The following PLCB4 variants were observed in gnomAD, a reference collection of about 807,000 sequenced individuals.
PLCB4 encodes the protein phospholipase C beta 4.
A neutral mutation model predicts 178.8 loss-of-function variants in PLCB4; 77 were observed. The ratio of observed to expected loss-of-function variants is 0.43; its 90% CI spans 0.36 to 0.52. The LOEUF (loss-of-function observed/expected upper bound fraction) is 0.52, where lower values mean the gene tolerates loss of function less well. Among genes scored for constraint, PLCB4 ranks in the 20% least tolerant of loss-of-function variants. The pLI, the probability that PLCB4 is intolerant of heterozygous loss-of-function variation, is 0.00. For synonymous variants in PLCB4, 496 were observed against 490.8 expected, an observed-to-expected ratio of 1.01 and a Z score of -0.14; for missense variants, 1,024 against 1,453.4, an observed-to-expected ratio of 0.70 and a Z score of 4.80.
intron 2 of PLCB4, among the ~76,000 whole-genome samples, chr20:9,125,494 A>G (rs927482038): frequency 1.3e-5 from 2 of 152,160 alleles, no homozygotes; most frequent in South Asian, 2.1e-4. Flanking sequence ...TATTTTTCCA[A>G]TGTATAACTT....
intron 3 of PLCB4, among the ~76,000 whole-genome samples, chr20:9,229,334 A>G (rs1348092341): frequency 2.0e-5 from 3 of 152,106 alleles, no homozygotes; most frequent in African/African-American, 7.2e-5. Context: ...GATCTATCAC[A>G]AGTGTGAGTA....
chr20:9,457,760 AAAT>A (rs2043145540), intron 34 of PLCB4, among the ~76,000 whole-genome samples: 1 of 152,212 alleles, frequency 6.6e-6, no homozygotes, highest in Non-Finnish European at 1.5e-5. Flanking sequence ...GCATCAAGGA[AAAT>A]AATAAATGAA....
At chr20:9,134,957 C>T (rs1444427801) in intron 2 of PLCB4, among the ~76,000 whole-genome samples, 2 of 151,960 alleles carry the variant, frequency 1.3e-5, no homozygotes, top group Non-Finnish European at 2.9e-5. Context: ...TGACTTTTGC[C>T]ATTGAGTAGG....
intron 2 of PLCB4, among the ~76,000 whole-genome samples, chr20:9,187,561 T>G (rs1361048154): frequency 6.6e-6 from 1 of 152,222 alleles, no homozygotes; most frequent in East Asian, 1.9e-4. Context: ...AAAACTTTGC[T>G]GTGTATGGGT....
At chr20:9,340,368 G>A (rs2033042607) in intron 7 of PLCB4, among the ~76,000 whole-genome samples, 1 of 152,088 alleles carries the variant, frequency 6.6e-6, no homozygotes, top group Non-Finnish European at 1.5e-5. Flanking sequence ...TTGAGTCTCA[G>A]GCCCACCCAG....
chr20:9,257,914 AG>A (rs2094253626), intron 3 of PLCB4, among the ~76,000 whole-genome samples: 1 of 152,214 alleles, frequency 6.6e-6, no homozygotes, highest in African/African-American at 2.4e-5. Context: ...AAGAGCAAGA[AG>A]GGATTCTTGG....
At chr20:9,443,480 G>A (rs1396725579) in intron 30 of PLCB4, among the ~76,000 whole-genome samples, 1 of 152,168 alleles carries the variant, frequency 6.6e-6, no homozygotes, top group African/African-American at 2.4e-5. Flanking sequence ...GAATTGCCCT[G>A]GGACCATGAG....
At chr20:9,114,088 C>G (rs1205132058) in intron 2 of PLCB4, among the ~76,000 whole-genome samples, 2 of 152,194 alleles carry the variant, frequency 1.3e-5, no homozygotes, top group South Asian at 2.1e-4. Flanking sequence ...GTGGTGCACG[C>G]CTGTAATCCC....
At chr20:9,143,520 G>A (rs1395978884) in intron 2 of PLCB4, among the ~76,000 whole-genome samples, 1 of 152,064 alleles carries the variant, frequency 6.6e-6, no homozygotes, top group Non-Finnish European at 1.5e-5. Context: ...GTTCCAGAAA[G>A]TTTCAGTACT....
chr20:9,287,748 A>G (rs2094547442), intron 3 of PLCB4, among the ~76,000 whole-genome samples: 1 of 152,086 alleles, frequency 6.6e-6, no homozygotes, highest in Non-Finnish European at 1.5e-5. Context: ...CCTTAATAAA[A>G]TTACTTTGTT....
chr20:9,443,843 C>T (rs2042248660), intron 30 of PLCB4, 138 bp from the exon 31 acceptor site: 2 of 577,032 alleles, frequency 3.5e-6, no homozygotes, highest in Non-Finnish European at 6.2e-6. Flanking sequence ...GTAATAGGAA[C>T]TTAAGATGTT....
At chr20:9,296,316 C>T (rs2094634333) in intron 3 of PLCB4, among the ~76,000 whole-genome samples, 1 of 152,180 alleles carries the variant, frequency 6.6e-6, no homozygotes, top group Admixed American at 6.5e-5. Context: ...GAGATACCAT[C>T]TCACACCAGT....
intron 3 of PLCB4, among the ~76,000 whole-genome samples, chr20:9,234,940 T>C (rs1601347542): frequency 6.6e-6 from 1 of 152,318 alleles, no homozygotes; most frequent in East Asian, 1.9e-4. Flanking sequence ...TGGCCATCAG[T>C]TTTCTCCAGC....
At chr20:9,134,730 T>C (rs1426257731) in intron 2 of PLCB4, among the ~76,000 whole-genome samples, 1 of 152,166 alleles carries the variant, frequency 6.6e-6, no homozygotes, top group Admixed American at 6.6e-5. Flanking sequence ...ATGTTTTTTA[T>C]TTGATAACCA....
chr20:9,384,256 A>G lies in PLCB4; in HGVS notation c.909A>G (p.Pro303=). ...ATCTGATGTCAGATGAAAACGCCCCAGTCTTCCTAGATCGTTTAGAACTTT... is the reference window on the plus strand; with the variant it reads ...ATCTGATGTCAGATGAAAACGCCCCGGTCTTCCTAGATCGTTTAGAACTTT... ...CRYLMSDENA[P]VFLDRLELYQ... is the part of the protein sequence containing the mutation. Residue 303 remains proline (P), a synonymous_variant, in exon 14 of 40, where the codon CCA becomes CCG. Transcript: ENST00000378473. The G allele has an allele frequency of 1.2e-6, 2 of 1,614,194 alleles. No homozygotes were observed. Among genetic ancestry groups the G allele is most frequent in the South Asian group, 1.1e-5 (1 of 91,086 alleles).
intron 4 of PLCB4, among the ~76,000 whole-genome samples, chr20:9,323,384 T>C: frequency 6.6e-6 from 1 of 152,344 alleles, no homozygotes; most frequent in South Asian, 2.1e-4. Context: ...TTTTTGTTCA[T>C]TGCTGAAGTC....
intron 2 of PLCB4, among the ~76,000 whole-genome samples, chr20:9,119,906 A>T (rs1403402989): frequency 1.3e-5 from 2 of 152,220 alleles, no homozygotes; most frequent in Admixed American, 6.5e-5. Context: ...AGCATATGAC[A>T]GCCTATTAGG....
chr20:9,134,921 A>T (rs1328799565), intron 2 of PLCB4, among the ~76,000 whole-genome samples: 1 of 152,074 alleles, frequency 6.6e-6, no homozygotes, highest in Non-Finnish European at 1.5e-5. Flanking sequence ...AATTTTTTTT[A>T]AAGTTTATGA....
At position 9,468,850 on chromosome 20, in the gene PLCB4, G is replaced by A. The variant is rs1465734467; in HGVS notation, c.3350+178G>A. Among the ~76,000 whole-genome samples, 7 of 152,184 alleles carry A rather than the reference G, an allele frequency of 4.6e-5. No individual in the cohort carries two copies. In the East Asian group the frequency reaches 5.8e-4, roughly 13 times the overall value. On this transcript the variant is annotated intron_variant, in intron 36 of 39. Coordinates refer to ENST00000378473, the MANE Select transcript of PLCB4 (RefSeq NM_001377142.1). ...TTGTTATTATCACTGTAGAACAATC[G>A]TCCACATTTTCTGGTTGCTTACTAC...
Sources: allele counts gnomAD v4.1 joint callset (sites outside exome capture counted in the v4.1 genomes callset), GRCh38; gene constraint gnomAD v4.1.1; transcripts MANE v1.5; gene names NCBI Gene and HGNC (gene_info 2026-07-23, HGNC 2026-07-21).